The following CP variants were observed in gnomAD, a reference collection of about 807,000 sequenced individuals.
CP encodes ceruloplasmin.
Under a neutral mutation model 122.4 loss-of-function variants are expected in CP, and 64 were observed. The ratio of observed to expected loss-of-function variants is 0.52; its 90% CI spans 0.43 to 0.64. The LOEUF (loss-of-function observed/expected upper bound fraction) is 0.64, where lower values mean the gene tolerates loss of function less well. Among genes scored for constraint, CP ranks in the 30% least tolerant of loss-of-function variants. CP has a pLI of 0.00. For missense variants in CP, 1,167 were observed against 1,284.4 expected, an observed-to-expected ratio of 0.91 and a Z score of 1.40; for synonymous variants, 440 against 436.4, an observed-to-expected ratio of 1.01 and a Z score of -0.10.
intron 9 of CP, among the ~76,000 whole-genome samples, chr3:149,191,003 T>C (rs558796431): frequency 6.6e-6 from 1 of 152,326 alleles, no homozygotes; most frequent in African/African-American, 2.4e-5. Flanking sequence ...CATTAGAAAG[T>C]CTTTAATGTA....
chr3:149,203,979 C>T (rs1394536778), intron 6 of CP, among the ~76,000 whole-genome samples: 4 of 152,060 alleles, frequency 2.6e-5, no homozygotes, highest in Non-Finnish European at 4.4e-5. Context: ...GTAGAGTTAG[C>T]AAGATGAAGT....
intron 13 of CP, among the ~76,000 whole-genome samples, chr3:149,183,223 A>G (rs1725901074): frequency 6.6e-6 from 1 of 152,234 alleles, no homozygotes; most frequent in African/African-American, 2.4e-5. Context: ...GATAAAATAT[A>G]TATAATTTCA....
chr3:149,199,934 T>G (rs954624674), intron 7 of CP, 70 bp from the exon 8 acceptor site: 1 of 1,497,938 alleles, frequency 6.7e-7, no homozygotes, highest in African/African-American at 1.4e-5. Context: ...ATAGTTATCT[T>G]CTTTGACTGT....
Position 149,202,189 on chromosome 3 carries a change from T to C in CP, c.1261A>G (p.Lys421Glu). The part of the protein sequence containing the change: ...QGTTRIGGSY[K>E]KLVYREYTDA... ...GTGTACTCACGATAAACCAGCTTTTTATAAGAGCCTCCAATTCTTGTGGTA... is the reference window on the plus strand; with the variant it reads ...GTGTACTCACGATAAACCAGCTTTTCATAAGAGCCTCCAATTCTTGTGGTA... Residue 421 changes from lysine (K) to glutamate (E), a missense_variant, in exon 7 of 19, where the codon AAA becomes GAA. By Grantham distance (56) the Lys-to-Glu change is moderately conservative. Coordinates refer to ENST00000264613, the MANE Select transcript of CP (RefSeq NM_000096.4). 1 of 1,614,178 alleles carries C rather than the reference T, an allele frequency of 6.2e-7. No homozygotes were observed. Among genetic ancestry groups the C allele is most frequent in the Non-Finnish European group, 8.5e-7 (1 of 1,180,030 alleles).
At chr3:149,201,953 C>G (rs1727355132) in intron 7 of CP, 149 bp downstream of exon 7, 1 of 1,048,412 alleles carries the variant, frequency 9.5e-7, no homozygotes, top group Admixed American at 2.3e-5. Flanking sequence ...TGGAAAAGTA[C>G]TTAGCTGCTG....
chr3:149,221,156 A>G (rs764350502), intron 1 of CP, among the ~76,000 whole-genome samples: 6 of 152,340 alleles, frequency 3.9e-5, no homozygotes, highest in Admixed American at 3.9e-4. Flanking sequence ...AGGACCCTGA[A>G]GCTGTGAAAG....
chr3:149,163,002 G>A, intron 5 of CP: 1 of 833,464 alleles, frequency 1.2e-6, no homozygotes, highest in East Asian at 2.7e-5. Flanking sequence ...TCTTATTTAT[G>A]CAGGAGTTAA....
intron 2 of CP, among the ~76,000 whole-genome samples, chr3:149,211,814 C>A (rs1388235824): frequency 6.6e-6 from 1 of 152,170 alleles, no homozygotes; most frequent in East Asian, 1.9e-4. Flanking sequence ...CTCTTCTAGG[C>A]TCTGATGCAC....
intron 2 of CP, among the ~76,000 whole-genome samples, 178 bp downstream of exon 2, chr3:149,212,273 T>C (rs1728164180): frequency 6.6e-6 from 1 of 151,472 alleles, no homozygotes; most frequent in South Asian, 2.1e-4. Context: ...GTCGTGCCAC[T>C]GCACTCCAGC....
rs543448136 is a variant in CP, at chr3:149,200,037, G to A, written c.1349-173C>T. ...AAGTCCATAATCAATCTGATATGTC[G>A]AGGTTGGAAGGAGAGAAGGGCTTTT... On this transcript the variant is annotated intron_variant, in intron 7 of 18. Coordinates refer to ENST00000264613, the MANE Select transcript of CP (RefSeq NM_000096.4). 8.3e-5 allele frequency: 54 copies of A among 650,838 alleles called. No homozygotes were observed. In the East Asian group the frequency reaches 1.2e-3, roughly 15 times the overall value. 40.3% of individuals were successfully genotyped at this position (650,838 alleles called of 1,614,324 possible). A position where few individuals can be genotyped will look rare whatever the true frequency, so the allele number is the denominator to read the frequency against.
In CP at chr3:149,212,431, G is replaced by T; in HGVS notation, c.394+20C>A. On this transcript the variant is annotated intron_variant, in intron 2 of 18. Transcript: ENST00000264613. ...TACTGAAAAGTAAGAGGAAATTCCA[G>T]CTACATGAGCTGAACTTACCCTCAT... 1 of 1,613,224 alleles carries T rather than the reference G, an allele frequency of 6.2e-7. No individual in the cohort carries two copies. Among genetic ancestry groups the T allele is most frequent in the South Asian group, 1.1e-5 (1 of 90,796 alleles).
chr3:149,175,092 C>T (rs1725329978), intron 18 of CP, among the ~76,000 whole-genome samples: 1 of 152,040 alleles, frequency 6.6e-6, no homozygotes, highest in African/African-American at 2.4e-5. Context: ...CACATGAATT[C>T]CCCAAATGCC....
intron 4 of CP, among the ~76,000 whole-genome samples, chr3:149,207,834 T>A (rs1290112674): frequency 6.6e-6 from 1 of 152,168 alleles, no homozygotes; most frequent in Non-Finnish European, 1.5e-5. Context: ...AATACCATAT[T>A]AACAGATGAA....
chr3:149,182,222 C>G (rs1012059828), intron 13 of CP, 89 bp from the exon 14 acceptor site: 1 of 1,482,532 alleles, frequency 6.7e-7, no homozygotes, highest in African/African-American at 1.4e-5. Context: ...TGTTTCTCTC[C>G]CCCATGGGTT....
At chr3:149,201,155 G>C (rs1412793256) in intron 7 of CP, among the ~76,000 whole-genome samples, 2 of 151,866 alleles carry the variant, frequency 1.3e-5, no homozygotes, top group Non-Finnish European at 2.9e-5. Context: ...ACGGAGTCTC[G>C]CTCTGTCACC....
At chr3:149,217,102 T>C (rs1393851862) in intron 1 of CP, among the ~76,000 whole-genome samples, 1 of 152,048 alleles carries the variant, frequency 6.6e-6, no homozygotes, top group African/African-American at 2.4e-5. Flanking sequence ...GATTTCACCA[T>C]GTTGGCCAGG....
intron 1 of CP, chr3:149,218,001 A>G: frequency 7.5e-6 from 2 of 267,550 alleles, no homozygotes; most frequent in South Asian, 7.5e-5. Context: ...GGAATGAAAA[A>G]CCCGGTAATA....
chr3:149,173,840 C>G (rs1725219038), intron 18 of CP, 110 bp from the exon 19 acceptor site: 1 of 542,330 alleles, frequency 1.8e-6, no homozygotes, highest in African/African-American at 2.0e-5. Flanking sequence ...ACTCCTGATT[C>G]ATTTATATTT....
intron 6 of CP, among the ~76,000 whole-genome samples, chr3:149,205,375 GA>G (rs1727637714): frequency 1.3e-5 from 2 of 148,552 alleles, no homozygotes; most frequent in Non-Finnish European, 3.0e-5. Context: ...GCTAGAAGCG[GA>G]ATCGCTTCTA....
Sources: gnomAD v4.1 joint callset for allele counts (sites outside exome capture counted in the v4.1 genomes callset) on GRCh38, gnomAD v4.1.1 for gene constraint, MANE v1.5 for transcripts, NCBI Gene and HGNC (gene_info 2026-07-23, HGNC 2026-07-21) for gene names.